Variants in SAMD3 observed in about 807,000 individuals in gnomAD.
SAMD3 encodes the protein sterile alpha motif domain containing 3, also known as sterile alpha motif domain-containing protein 3.
A neutral mutation model predicts 58.5 loss-of-function variants in SAMD3; 63 were observed. That is an observed-to-expected ratio of 1.08 (90% CI 0.88 to 1.33). The LOEUF (loss-of-function observed/expected upper bound fraction) is 1.33. Among genes scored for constraint, SAMD3 ranks in the 40% most tolerant of loss-of-function variants. The pLI, the probability that SAMD3 is intolerant of heterozygous loss-of-function variation, is 0.00. For synonymous variants in SAMD3, 220 were observed against 210.3 expected (o/e 1.05, Z -0.40); for missense variants, 604 against 608.4 (o/e 0.99, Z 0.08).
At chr6:130,232,019 T>G (rs1246892652) in intron 2 of SAMD3, among the ~76,000 whole-genome samples, 1 of 152,150 alleles carries the variant, frequency 6.6e-6, no homozygotes, top group Admixed American at 6.5e-5. Context: ...TTTATTTAAT[T>G]TTAATTAATT....
intron 5 of SAMD3, among the ~76,000 whole-genome samples, chr6:130,185,438 C>T (rs1792845436): frequency 6.6e-6 from 1 of 152,130 alleles, no homozygotes; most frequent in African/African-American, 2.4e-5. Context: ...AAGTGACTCC[C>T]CTGCCTCAGC....
chr6:130,161,307 T>G (rs1199431316), intron 8 of SAMD3: 2 of 152,222 alleles, frequency 1.3e-5, no homozygotes, highest in Admixed American at 1.3e-4. Flanking sequence ...AACATTTTAA[T>G]TTTTTAAAGT....
intron 2 of SAMD3, among the ~76,000 whole-genome samples, chr6:130,303,135 A>G (rs921530197): frequency 1.3e-5 from 2 of 152,118 alleles, no homozygotes; most frequent in African/African-American, 2.4e-5. Context: ...GGGGGACTCT[A>G]CTGAACATTG....
intron 2 of SAMD3, among the ~76,000 whole-genome samples, chr6:130,236,734 A>ACC: frequency 6.6e-6 from 1 of 152,196 alleles, no homozygotes. Context: ...ATATTATGTA[A>ACC]TCAGTAGTGC....
At chr6:130,173,655 G>A (rs1791446030) in intron 8 of SAMD3, among the ~76,000 whole-genome samples, 1 of 152,236 alleles carries the variant, frequency 6.6e-6, no homozygotes, top group African/African-American at 2.4e-5. Flanking sequence ...AGGCACTGGG[G>A]TCAGGGACCC....
chr6:130,266,817 G>A (rs1261080368), intron 2 of SAMD3, among the ~76,000 whole-genome samples: 1 of 152,184 alleles, frequency 6.6e-6, no homozygotes, highest in African/African-American at 2.4e-5. Flanking sequence ...TGCGAAAAGC[G>A]AAGCATAGCC....
At chr6:130,262,725 G>T (rs1774186450) in intron 2 of SAMD3, among the ~76,000 whole-genome samples, 1 of 152,068 alleles carries the variant, frequency 6.6e-6, no homozygotes, top group Admixed American at 6.5e-5. Flanking sequence ...ACTTCTAGTA[G>T]TAAGAATTAT....
At chr6:130,208,751 A>G (rs1430765213) in intron 5 of SAMD3, among the ~76,000 whole-genome samples, 2 of 152,122 alleles carry the variant, frequency 1.3e-5, no homozygotes, top group Non-Finnish European at 2.9e-5. Flanking sequence ...ATATTAGAAT[A>G]TAATAATAGA....
chr6:130,146,894 G>A (rs367889509), intron 9 of SAMD3, among the ~76,000 whole-genome samples: 22 of 152,194 alleles, frequency 1.4e-4, no homozygotes, highest in African/African-American at 4.1e-4. Flanking sequence ...GATTGCCTTA[G>A]CCCGGGGAGA....
At chr6:130,176,270 T>A (rs1791717867) in intron 7 of SAMD3, 1 of 462,692 alleles carries the variant, frequency 2.2e-6, no homozygotes, top group African/African-American at 2.0e-5. Context: ...GTCATATGGT[T>A]ATTGAGTAAA....
At chr6:130,346,759 C>T (rs1459431725) in intron 1 of SAMD3, among the ~76,000 whole-genome samples, 2 of 152,208 alleles carry the variant, frequency 1.3e-5, no homozygotes, top group African/African-American at 2.4e-5. Context: ...AGCTGGAGAT[C>T]TGAGAACGGA....
chr6:130,259,281 T>A (rs992470418), intron 2 of SAMD3, among the ~76,000 whole-genome samples: 4 of 152,120 alleles, frequency 2.6e-5, no homozygotes, highest in Non-Finnish European at 5.9e-5. Flanking sequence ...AAATTGGGCA[T>A]CTGCATCTGG....
At chr6:130,147,694 A>T (rs1788760201) in intron 9 of SAMD3, among the ~76,000 whole-genome samples, 2 of 152,158 alleles carry the variant, frequency 1.3e-5, no homozygotes, top group Non-Finnish European at 2.9e-5. Context: ...TCTACTACAC[A>T]TTCCATTCAA....
At position 130,184,575 on chromosome 6, in the gene SAMD3, C is replaced by T. The variant is rs377087757; in HGVS notation, c.432G>A (p.Thr144=). The T allele has an allele frequency of 2.7e-5, 44 of 1,613,750 alleles. No homozygotes were observed. Among genetic ancestry groups the T allele is most frequent in the East Asian group, 2.7e-4 (12 of 44,878 alleles). Residue 144 remains threonine, a synonymous_variant, in exon 6 of 12, where the codon ACG becomes ACA. Transcript: ENST00000439090. ...ILARSKALQW[T]KSYVLPEFPY... is the part of the protein sequence containing the mutation. ...GAAACTCTGGTAAAACATAGGACTT[C>T]GTCCACTGTAATGCTTTGCTTCTTG... is the stretch of plus-strand genomic sequence containing the variant.
chr6:130,300,086 G>A (rs559886599), intron 2 of SAMD3, among the ~76,000 whole-genome samples: 1 of 152,210 alleles, frequency 6.6e-6, no homozygotes, highest in Admixed American at 6.5e-5. Context: ...CAAGTCAGAC[G>A]TATTCTTCTC....
At chr6:130,177,184 C>T (rs1363215055) in intron 7 of SAMD3, among the ~76,000 whole-genome samples, 2 of 152,094 alleles carry the variant, frequency 1.3e-5, no homozygotes, top group Non-Finnish European at 2.9e-5. Context: ...TGAGAGTGTG[C>T]GTTTCTTGCA....
In SAMD3 at chr6:130,144,546, C is replaced by T. The variant is rs367601593; in HGVS notation, c.1537G>A (p.Val513Ile). The T allele has an allele frequency of 4.6e-5, 74 of 1,613,980 alleles. No individual in the cohort carries two copies. The African/African-American group carries it at 9.1e-4, about 20-fold the overall frequency. Reference protein sequence around the residue: ...FPSLKEKENEVGFQHPLT With the variant: ...FPSLKEKENEIGFQHPLT ...TAAGTGAGTGGGTGCTGAAATCCTA[C>T]TTCGTTTTCCTTTTCTTTCAAAGAA... Residue 513 changes from valine (V) to isoleucine (I), a missense_variant, in exon 12 of 12, where the codon GTA becomes ATA. Physicochemically the swap from Val to Ile is conservative, Grantham distance 29 (BLOSUM62 3). Coordinates refer to ENST00000439090, the MANE Select transcript of SAMD3 (RefSeq NM_001017373.4).
chr6:130,259,520 T>A (rs73607957), intron 2 of SAMD3, among the ~76,000 whole-genome samples: 1 of 152,106 alleles, frequency 6.6e-6, no homozygotes, highest in East Asian at 1.9e-4. Flanking sequence ...ATCTTCAACA[T>A]TGGGAATAAA....
chr6:130,339,120 C>T (rs1047837205), intron 1 of SAMD3, among the ~76,000 whole-genome samples: 1 of 152,128 alleles, frequency 6.6e-6, no homozygotes, highest in African/African-American at 2.4e-5. Context: ...AATCTCAGCT[C>T]ACTGCAAGCT....
Sources: allele counts gnomAD v4.1 joint callset (sites outside exome capture counted in the v4.1 genomes callset), GRCh38; gene constraint gnomAD v4.1.1; transcripts MANE v1.5; gene names NCBI Gene and HGNC (gene_info 2026-07-23, HGNC 2026-07-21).